The following VASH1 variants were observed in gnomAD, a reference collection of about 807,000 sequenced individuals.
VASH1 encodes the protein tubulinyl-Tyr carboxypeptidase 1.
A neutral mutation model predicts 35.0 loss-of-function variants in VASH1; 16 were observed. The ratio of observed to expected loss-of-function variants is 0.46; its 90% CI spans 0.31 to 0.70. VASH1 has a LOEUF of 0.70. Among genes scored for constraint, VASH1 ranks in the 30% least tolerant of loss-of-function variants. The pLI, the probability that VASH1 is intolerant of heterozygous loss-of-function variation, is 0.05. For missense variants in VASH1, 505 were observed against 510.7 expected, an observed-to-expected ratio of 0.99 and a Z score of 0.11; for synonymous variants, 214 against 200.9, an observed-to-expected ratio of 1.07 and a Z score of -0.55.
At chr14:76,778,427 A>G (rs976458631) in intron 6 of VASH1, among the ~76,000 whole-genome samples, 6 of 152,196 alleles carry the variant, frequency 3.9e-5, no homozygotes, top group Admixed American at 3.9e-4. Flanking sequence ...CCCCCCACCC[A>G]AGAGTCTGGT....
chr14:76,766,930 C>CT (rs1893657642), intron 1 of VASH1, among the ~76,000 whole-genome samples: 1 of 152,094 alleles, frequency 6.6e-6, no homozygotes, highest in South Asian at 2.1e-4. Flanking sequence ...AATGAAGTGT[C>CT]TGAGGCACAG....
chr14:76,769,490 G>C (rs1390623522), intron 1 of VASH1: 1 of 1,288,578 alleles, frequency 7.8e-7, no homozygotes, highest in Non-Finnish European at 1.0e-6. Flanking sequence ...CCCTACCAAG[G>C]ATGCTCACCC....
At chr14:76,764,308 A>G (rs540749123) in intron 1 of VASH1, among the ~76,000 whole-genome samples, 7 of 152,372 alleles carry the variant, frequency 4.6e-5, no homozygotes, top group Admixed American at 1.3e-4. Context: ...AACAAAATGT[A>G]GATTGATTTG....
At position 76,779,767 on chromosome 14, in the gene VASH1, C is replaced by A. The variant is rs1894053304; in HGVS notation, c.*749C>A. 1 of 547,706 alleles carries A rather than the reference C, an allele frequency of 1.8e-6. No individual in the cohort carries two copies. The highest frequency in any genetic ancestry group is 3.2e-6 in the Non-Finnish European group (1 of 311,782). The allele number at this position is 547,706 out of a possible 1,614,324, so 33.9% of individuals were successfully genotyped here. ...TCTACTTGCTCAGTCCCAGCTCTGC[C>A]TGTTGCTCTAGCCCACAGGCTCCCT... is the stretch of plus-strand genomic sequence containing the variant. On this transcript the variant is annotated 3_prime_UTR_variant, in exon 7 of 7. Transcript: ENST00000167106.
chr14:76,771,137 G>A, intron 2 of VASH1, 53 bp from the exon 3 acceptor site: 2 of 1,474,356 alleles, frequency 1.4e-6, no homozygotes, highest in Non-Finnish European at 1.8e-6. Flanking sequence ...GGCAGGAAGA[G>A]AGGGTCAACC....
intron 1 of VASH1, chr14:76,769,339 G>C (rs1168314515): frequency 1.6e-6 from 2 of 1,289,144 alleles, no homozygotes; most frequent in Admixed American, 2.3e-5. Context: ...CGGCCCCTCT[G>C]TGCATGCCCC....
chr14:76,779,142 T>A lies in VASH1; in HGVS notation c.*124T>A. 9.0e-7 allele frequency: 1 copy of A among 1,112,740 alleles called. No individual in the cohort carries two copies. The highest frequency in any genetic ancestry group is 1.3e-6 in the Non-Finnish European group (1 of 744,878). The allele number at this position is 1,112,740 out of a possible 1,614,324, so 68.9% of individuals were successfully genotyped here. A position where few individuals can be genotyped will look rare whatever the true frequency, so the allele number is the denominator to read the frequency against. ...GCAGGGCAAGAGGCTGCAGGAAGAG[T>A]GTGTTCCAGCTCAGCCCCCCAAGCT... On this transcript the variant is annotated 3_prime_UTR_variant, in exon 7 of 7. Coordinates refer to ENST00000167106, the MANE Select transcript of VASH1 (RefSeq NM_014909.5).
chr14:76,773,285 G>A, intron 4 of VASH1, 74 bp downstream of exon 4: 3 of 1,509,070 alleles, frequency 2.0e-6, no homozygotes, highest in Non-Finnish European at 9.2e-7. Flanking sequence ...AAGTGAGGGT[G>A]GGGTAGGTTG....
chr14:76,777,881 A>G, intron 5 of VASH1, 78 bp from the exon 6 acceptor site: 1 of 1,124,806 alleles, frequency 8.9e-7, no homozygotes, highest in Non-Finnish European at 1.2e-6. Flanking sequence ...GCCTCCAGGG[A>G]CCTGTGGCTC....
intron 1 of VASH1, among the ~76,000 whole-genome samples, chr14:76,764,022 C>A (rs201359034): frequency 2.1e-5 from 3 of 144,192 alleles, no homozygotes; most frequent in African/African-American, 7.8e-5. Context: ...AAAAAAAAAA[C>A]ATGATCAAGA....
chr14:76,775,354 G>A (rs1160519347), intron 4 of VASH1, among the ~76,000 whole-genome samples: 1 of 152,102 alleles, frequency 6.6e-6, no homozygotes, highest in African/African-American at 2.4e-5. Flanking sequence ...GGGCAGAGGT[G>A]TAGGAAGTGG....
chr14:76,767,229 G>T (rs1893664161), intron 1 of VASH1, among the ~76,000 whole-genome samples: 1 of 143,232 alleles, frequency 7.0e-6, no homozygotes, highest in East Asian at 2.1e-4. Context: ...TGGGCGACAG[G>T]GTGAAACTCT....
chr14:76,764,832 C>T (rs866320910), intron 1 of VASH1, among the ~76,000 whole-genome samples: 20 of 152,044 alleles, frequency 1.3e-4, no homozygotes, highest in Middle Eastern at 3.4e-3. Context: ...ATTGTAGGCA[C>T]CTACCACCAC....
At chr14:76,772,587 A>G (rs1384750193) in intron 3 of VASH1, among the ~76,000 whole-genome samples, 1 of 152,226 alleles carries the variant, frequency 6.6e-6, no homozygotes, top group Non-Finnish European at 1.5e-5. Context: ...AATGGCCTGA[A>G]TTCCAAGTTC....
Position 76,779,434 on chromosome 14 carries a change from C to T in VASH1, c.*416C>T. ...TCTTATCAGTGGGAAATCTCCCAGCCTTACCAGGCCTGTGATGGGGGGTGG... is the reference window on the plus strand; with the variant it reads ...TCTTATCAGTGGGAAATCTCCCAGCTTTACCAGGCCTGTGATGGGGGGTGG... On this transcript the variant is annotated 3_prime_UTR_variant, in exon 7 of 7. Transcript: ENST00000167106. The T allele has an allele frequency of 4.3e-6, 3 of 698,698 alleles. No individual in the cohort carries two copies. Among genetic ancestry groups the T allele is most frequent in the Non-Finnish European group, 7.8e-6 (3 of 383,722 alleles). 43.3% of individuals were successfully genotyped at this position (698,698 alleles called of 1,614,324 possible). A position where few individuals can be genotyped will look rare whatever the true frequency, so the allele number is the denominator to read the frequency against.
chr14:76,764,077 A>G (rs1893578406), intron 1 of VASH1, among the ~76,000 whole-genome samples: 1 of 152,048 alleles, frequency 6.6e-6, no homozygotes, highest in Admixed American at 6.5e-5. Context: ...ATCTCCAAAA[A>G]AGAGCCCTTT....
At chr14:76,778,713 T>G (rs1398565697) in intron 6 of VASH1, among the ~76,000 whole-genome samples, 1 of 152,206 alleles carries the variant, frequency 6.6e-6, no homozygotes, top group Non-Finnish European at 1.5e-5. Flanking sequence ...GCAGCCAGAT[T>G]AGCCAGCCTC....
At chr14:76,771,787 C>T (rs1038117043) in intron 3 of VASH1, among the ~76,000 whole-genome samples, 7 of 146,516 alleles carry the variant, frequency 4.8e-5, no homozygotes, top group African/African-American at 1.2e-4. Flanking sequence ...CTTCCCATCC[C>T]GCCACCCCGT....
At chr14:76,771,401 G>A (rs1342462844) in intron 3 of VASH1, among the ~76,000 whole-genome samples, 155 bp downstream of exon 3, 1 of 152,192 alleles carries the variant, frequency 6.6e-6, no homozygotes, top group African/African-American at 2.4e-5. Context: ...GGGCCTTATG[G>A]ATGTCATAAA....
Sources: gnomAD v4.1 joint callset for allele counts (sites outside exome capture counted in the v4.1 genomes callset) on GRCh38, gnomAD v4.1.1 for gene constraint, MANE v1.5 for transcripts, NCBI Gene and HGNC (gene_info 2026-07-23, HGNC 2026-07-21) for gene names.